Variants in UXS1 observed in about 807,000 individuals in gnomAD.
UXS1 encodes the protein UDP-glucuronic acid decarboxylase 1.
Under a neutral mutation model 62.6 loss-of-function variants are expected in UXS1, and 33 were observed. The ratio of observed to expected loss-of-function variants is 0.53; its 90% CI spans 0.40 to 0.70. UXS1 has a LOEUF of 0.70. UXS1 is among the 30% of genes least tolerant of loss of function. UXS1 has a pLI of 0.00. For synonymous variants in UXS1, 213 were observed against 206.8 expected, an observed-to-expected ratio of 1.03 and a Z score of -0.26; for missense variants, 434 against 556.3, an observed-to-expected ratio of 0.78 and a Z score of 2.21.
intron 6 of UXS1, among the ~76,000 whole-genome samples, chr2:106,140,907 C>G (rs1288934839): frequency 6.6e-6 from 1 of 152,188 alleles, no homozygotes; most frequent in East Asian, 1.9e-4. Context: ...CCTGTTTATA[C>G]AGACGGTGGA....
chr2:106,113,863 C>G (rs1398116974), intron 9 of UXS1, among the ~76,000 whole-genome samples: 1 of 152,228 alleles, frequency 6.6e-6, no homozygotes, highest in Non-Finnish European at 1.5e-5. Context: ...GCAGTACTCA[C>G]CTGACCGCCT....
chr2:106,155,920 C>T (rs1682384232), intron 5 of UXS1, among the ~76,000 whole-genome samples: 2 of 151,980 alleles, frequency 1.3e-5, no homozygotes, highest in African/African-American at 4.8e-5. Context: ...GATCACAGGC[C>T]TAAATTTAAG....
chr2:106,112,576 T>C (rs1294047073), intron 10 of UXS1, 70 bp downstream of exon 10: 2 of 1,579,390 alleles, frequency 1.3e-6, no homozygotes, highest in Non-Finnish European at 1.7e-6. Context: ...GATGCACTTA[T>C]CCCTCATCCT....
chr2:106,183,287 A>G (rs549002377), intron 1 of UXS1: 27 of 151,894 alleles, frequency 1.8e-4, no homozygotes, highest in African/African-American at 6.5e-4. Flanking sequence ...TATATATGTC[A>G]ACCAAATTCT....
chr2:106,179,343 C>T (rs983577810), intron 1 of UXS1, among the ~76,000 whole-genome samples: 4 of 152,126 alleles, frequency 2.6e-5, no homozygotes, highest in African/African-American at 4.8e-5. Flanking sequence ...TCCTGCTCTC[C>T]GCTCTCTGGC....
At chr2:106,146,981 C>A (rs369625594) in intron 5 of UXS1, among the ~76,000 whole-genome samples, 4 of 151,796 alleles carry the variant, frequency 2.6e-5, no homozygotes, top group Non-Finnish European at 4.4e-5. Context: ...GGTGAAACCC[C>A]GTCTCTACTA....
chr2:106,098,765 T>A lies in UXS1; in HGVS notation c.993A>T (p.Pro331=). The A allele has an allele frequency of 6.2e-7, 1 of 1,611,906 alleles. No homozygotes were observed. The highest frequency in any genetic ancestry group is 8.5e-7 in the Non-Finnish European group (1 of 1,178,888). ...CAAATTCTAGGATTGTGTGTTCTTC[T>A]GGGTTCCCCTAAGAAAGAAACGGTT... ...NVSSPVNLGN[P]EEHTILEFAQ... The change falls in exon 13 of 15, where the codon CCA becomes CCT. Residue 331 remains proline, a synonymous_variant. Coordinates refer to ENST00000283148, the MANE Select transcript of UXS1 (RefSeq NM_001253875.2).
intron 6 of UXS1, among the ~76,000 whole-genome samples, chr2:106,137,380 G>C (rs1573483229): frequency 6.6e-6 from 1 of 152,196 alleles, no homozygotes; most frequent in Admixed American, 6.5e-5. Flanking sequence ...CCAAGCTCCA[G>C]GGCTGCAGGT....
In UXS1 at chr2:106,194,130, C is replaced by T; in HGVS notation, c.94+18G>A. On this transcript the variant is annotated intron_variant, in intron 1 of 14. Transcript: ENST00000283148. ...GGAATGAATGGGGCTCCCCAGCTGG[C>T]AGCGGGCGCGCACTCACAGGCGACG... 1.4e-6 allele frequency: 2 copies of T among 1,464,010 alleles called. No homozygotes were observed. Among genetic ancestry groups the T allele is most frequent in the Non-Finnish European group, 1.8e-6 (2 of 1,105,744 alleles). 90.7% of individuals were successfully genotyped at this position (1,464,010 alleles called of 1,614,324 possible). A position where few individuals can be genotyped will look rare whatever the true frequency, so the allele number is the denominator to read the frequency against.
At chr2:106,189,946 T>A (rs755494125) in intron 1 of UXS1, among the ~76,000 whole-genome samples, 1 of 152,008 alleles carries the variant, frequency 6.6e-6, no homozygotes. Flanking sequence ...AGTCCTGCAG[T>A]GGGTAGGTCC....
At chr2:106,110,975 C>T (rs1678547066) in intron 10 of UXS1, among the ~76,000 whole-genome samples, 1 of 152,104 alleles carries the variant, frequency 6.6e-6, no homozygotes, top group Admixed American at 6.5e-5. Context: ...CTGGGACAGG[C>T]AGGAGCAAGG....
Position 106,144,744 on chromosome 2 carries a change from G to T in UXS1, c.472+446C>A, listed in dbSNP as rs181011603. 2.0e-4 allele frequency among the ~76,000 whole-genome samples: 31 copies of T among 152,306 alleles called. No homozygotes were observed. The East Asian group carries it at 5.8e-3, about 28-fold the overall frequency. On this transcript the variant is annotated intron_variant, in intron 6 of 14. Transcript: ENST00000283148. ...CTTCTCGCCACGTCCTCACACGGTG[G>T]AAAGGCCAACGGGGTTTTCCCAGGC...
At chr2:106,108,638 A>C (rs927062858) in intron 10 of UXS1, among the ~76,000 whole-genome samples, 2 of 152,110 alleles carry the variant, frequency 1.3e-5, no homozygotes, top group African/African-American at 4.8e-5. Context: ...TTCGTGCAAG[A>C]GTCAAGGCTG....
chr2:106,097,134 C>T (rs1327880481), intron 13 of UXS1: 1 of 504,012 alleles, frequency 2.0e-6, no homozygotes, highest in East Asian at 5.6e-5. Context: ...CAAGGCAGAC[C>T]ACCCACACCA....
intron 1 of UXS1, among the ~76,000 whole-genome samples, chr2:106,187,931 G>A (rs1170705308): frequency 5.9e-5 from 9 of 151,948 alleles, no homozygotes; most frequent in East Asian, 5.8e-4. Context: ...TACTAGAGAC[G>A]GGGTTTCACC....
chr2:106,173,348 T>A (rs1435650137), intron 1 of UXS1, among the ~76,000 whole-genome samples: 1 of 151,948 alleles, frequency 6.6e-6, no homozygotes, highest in Non-Finnish European at 1.5e-5. Flanking sequence ...AGCCCAGGAG[T>A]TTGAGACCAG....
At position 106,112,602 on chromosome 2, in the gene UXS1, G is replaced by C. The variant is rs771867056; in HGVS notation, c.879+44C>G. 2.5e-6 allele frequency: 4 copies of C among 1,607,588 alleles called. No individual in the cohort carries two copies. The Admixed American group carries it at 5.1e-5, about 20-fold the overall frequency. On this transcript the variant is annotated intron_variant, in intron 10 of 14. Coordinates refer to ENST00000283148, the MANE Select transcript of UXS1 (RefSeq NM_001253875.2). ...CCCTCATCCTTTGTGAGCTGACTTC[G>C]ATTTGGGTTGCAAGGTGCTCCCTGA...
chr2:106,105,289 G>A (rs61347926), intron 10 of UXS1, among the ~76,000 whole-genome samples: 1 of 152,204 alleles, frequency 6.6e-6, no homozygotes, highest in Non-Finnish European at 1.5e-5. Flanking sequence ...TGTTTGGGAT[G>A]AGGCCGGCAT....
At chr2:106,105,494 G>A (rs894826420) in intron 10 of UXS1, among the ~76,000 whole-genome samples, 1 of 152,164 alleles carries the variant, frequency 6.6e-6, no homozygotes, top group South Asian at 2.1e-4. Flanking sequence ...AGACCGTCTT[G>A]TCTACTTTCC....
Sources: gnomAD v4.1 joint callset for allele counts (sites outside exome capture counted in the v4.1 genomes callset) on GRCh38, gnomAD v4.1.1 for gene constraint, MANE v1.5 for transcripts, NCBI Gene and HGNC (gene_info 2026-07-23, HGNC 2026-07-21) for gene names.